ARHGAP27: variants seen among roughly 807,000 people sequenced by gnomAD.
The protein encoded by ARHGAP27 is Rho GTPase activating protein 27.
Under a neutral mutation model 102.0 loss-of-function variants are expected in ARHGAP27, and 53 were observed. That is an observed-to-expected ratio of 0.52 (90% CI 0.42 to 0.65). The LOEUF (loss-of-function observed/expected upper bound fraction) is 0.65, where lower values mean the gene tolerates loss of function less well. Ranked by LOEUF, ARHGAP27 falls within the 30% of genes least tolerant of loss-of-function variation. The pLI is 0.00. For missense variants in ARHGAP27, 1,117 were observed against 1,256.2 expected (o/e 0.89, Z 1.68); for synonymous variants, 525 against 542.8 (o/e 0.97, Z 0.46).
chr17:45,417,970 C>A (rs564076406), intron 4 of ARHGAP27, among the ~76,000 whole-genome samples: 1 of 143,060 alleles, frequency 7.0e-6, no homozygotes, highest in Non-Finnish European at 1.5e-5. Flanking sequence ...AGGAGAATGG[C>A]GTGAACTCGG....
In ARHGAP27 at chr17:45,395,649, G is replaced by C. The variant is rs913324597; in HGVS notation, c.2493-16C>G. On this transcript the variant is annotated splice_polypyrimidine_tract_variant and intron_variant, in intron 19 of 19. Transcript: ENST00000685559. Reference sequence around the variant, plus strand: ...CTCGATCACCCTGTGGCAGGGGTGGGTGGGTTCAGGGCTCCGAACTGCGAA... The same window carrying C: ...CTCGATCACCCTGTGGCAGGGGTGGCTGGGTTCAGGGCTCCGAACTGCGAA... The C allele has an allele frequency of 1.3e-6, 2 of 1,593,228 alleles. No individual in the cohort carries two copies. The highest frequency in any genetic ancestry group is 2.7e-5 in the African/African-American group (2 of 74,672).
intron 4 of ARHGAP27, among the ~76,000 whole-genome samples, chr17:45,426,194 T>G (rs1209901305): frequency 3.9e-5 from 6 of 152,120 alleles, no homozygotes; most frequent in Non-Finnish European, 8.8e-5. Context: ...CACAGCCACT[T>G]CCTGGCCGTG....
Position 45,395,247 on chromosome 17 carries a change from G to C in ARHGAP27, c.*209C>G. The C allele has an allele frequency of 1.6e-6, 1 of 621,066 alleles. No homozygotes were observed. Among genetic ancestry groups the C allele is most frequent in the Non-Finnish European group, 2.8e-6 (1 of 363,214 alleles). 38.5% of individuals were successfully genotyped at this position (621,066 alleles called of 1,614,324 possible). A position where few individuals can be genotyped will look rare whatever the true frequency, so the allele number is the denominator to read the frequency against. ...ACAGGACGTGACGGGAAGGGAAGGG[G>C]GGATGGGGAGTTGGGAAGAAGGAAT... On this transcript the variant is annotated 3_prime_UTR_variant, in exon 20 of 20. Coordinates refer to ENST00000685559, the MANE Select transcript of ARHGAP27 (RefSeq NM_001282290.2).
chr17:45,422,640 C>T (rs898172065), intron 4 of ARHGAP27, among the ~76,000 whole-genome samples: 13 of 152,062 alleles, frequency 8.5e-5, no homozygotes, highest in Middle Eastern at 3.2e-3. Flanking sequence ...AACGAAAGAA[C>T]GCTCGAAATC....
chr17:45,428,812 T>C (rs2049833550), intron 4 of ARHGAP27, among the ~76,000 whole-genome samples: 4 of 152,098 alleles, frequency 2.6e-5, no homozygotes, highest in South Asian at 2.1e-4. Context: ...CATCTTTTTT[T>C]CCCCTCGGGC....
chr17:45,404,610 C>A lies in ARHGAP27; in HGVS notation c.1320G>T (p.Glu440Asp). ...TTCCCCAGGTTGTTACCTGGGGCAG[C>A]TCCCATCGAACAGAGGAGTCCTCTG... ...YNPEDSSVRW[E>D]LPQVPVPAPR... Residue 440 changes from glutamate to aspartate, a missense_variant, in exon 7 of 20, where the codon GAG becomes GAT. This residue lies in a region of ARHGAP27 where 610 missense variants were observed against 716.4 expected (regional missense o/e 0.85). Coordinates refer to ENST00000685559, the MANE Select transcript of ARHGAP27 (RefSeq NM_001282290.2). The A allele has an allele frequency of 6.2e-7, 1 of 1,614,092 alleles. No individual in the cohort carries two copies. Among genetic ancestry groups the A allele is most frequent in the Non-Finnish European group, 8.5e-7 (1 of 1,179,962 alleles).
At chr17:45,414,350 C>T (rs187517973) in intron 4 of ARHGAP27, among the ~76,000 whole-genome samples, 2 of 152,258 alleles carry the variant, frequency 1.3e-5, no homozygotes, top group African/African-American at 2.4e-5. Flanking sequence ...CCCGCTTGCT[C>T]GGAAGTGGCC....
At position 45,427,840 on chromosome 17, in the gene ARHGAP27, C is replaced by T. The variant is rs2049766674; in HGVS notation, c.657+1783G>A. Among the ~76,000 whole-genome samples the T allele has an allele frequency of 6.6e-6, 1 of 152,168 alleles. No individual in the cohort carries two copies. The highest frequency in any genetic ancestry group is 6.5e-5 in the Admixed American group (1 of 15,284). On this transcript the variant is annotated intron_variant, in intron 4 of 19. Transcript: ENST00000685559. The surrounding 1 kb of genome is among the most constrained non-coding windows in gnomAD (Gnocchi z 4.5). ...GTGCCCCTCCCTCCATATGCCACTG[C>T]AACTGGGAACCTGCTGGGAGCTGGA...
chr17:45,397,860 C>T (rs907339954), intron 13 of ARHGAP27, 89 bp downstream of exon 13: 2 of 1,194,006 alleles, frequency 1.7e-6, no homozygotes, highest in Non-Finnish European at 2.3e-6. Flanking sequence ...CCCACTGGTA[C>T]CTTAGAGCTC....
At position 45,396,038 on chromosome 17, in the gene ARHGAP27, C is replaced by G. The variant is rs1426458605; in HGVS notation, c.2331G>C (p.Glu777Asp). The change falls in exon 18 of 20, where the codon GAG (glutamate) becomes GAC (aspartate). Residue 777 changes from glutamate (E) to aspartate (D), a missense_variant. Coordinates refer to ENST00000685559, the MANE Select transcript of ARHGAP27 (RefSeq NM_001282290.2). ...ITGALKLFFRELPEPLFPFSH... is the reference protein window; with the variant it reads ...ITGALKLFFRDLPEPLFPFSH... ...AGAAGGGGAAGAGGGGCTCGGGCAG[C>G]TCCCGAAAGAAGAGCTTCAGGGCTC... The G allele has an allele frequency of 6.2e-7, 1 of 1,613,772 alleles. No homozygotes were observed. The highest frequency in any genetic ancestry group is 1.3e-5 in the African/African-American group (1 of 74,934).
rs2049968605 is a variant in ARHGAP27 at position 45,430,350 on chromosome 17, T to C, written c.-18-53A>G. 6.6e-7 allele frequency: 1 copy of C among 1,506,664 alleles called. No individual in the cohort carries two copies. The highest frequency in any genetic ancestry group is 8.8e-7 in the Non-Finnish European group (1 of 1,136,592). 93.3% of individuals were successfully genotyped at this position (1,506,664 alleles called of 1,614,324 possible). On this transcript the variant is annotated intron_variant, in intron 3 of 19. Transcript: ENST00000685559. This position sits in a 1 kb window ranked among gnomAD's most constrained non-coding sequence, Gnocchi z 4.4. ...GAGGTCAAGACCACCGAGCCTGGAA[T>C]AGCCCCGCACTCGGGGACAGACTTG...
rs188239464 is a variant in ARHGAP27, at chr17:45,395,734, C to A, written c.2492+10G>T. 5.0e-6 allele frequency: 8 copies of A among 1,584,190 alleles called. No homozygotes were observed. Among genetic ancestry groups the A allele is most frequent in the Non-Finnish European group, 6.8e-6 (8 of 1,169,692 alleles). ...TGCCTCCCCCTTCCCGCGCGGGCCG[C>A]CCGGCTCACCGGCAGAGGTGCTGGA... On this transcript the variant is annotated intron_variant, in intron 19 of 19. Transcript: ENST00000685559.
At chr17:45,421,837 C>T (rs926773145) in intron 4 of ARHGAP27, among the ~76,000 whole-genome samples, 1 of 152,140 alleles carries the variant, frequency 6.6e-6, no homozygotes, top group Non-Finnish European at 1.5e-5. Context: ...ATTGAATTCT[C>T]CCACTAAAAG....
At chr17:45,415,062 CAA>C (rs546453138) in intron 4 of ARHGAP27, among the ~76,000 whole-genome samples, 37 of 61,306 alleles carry the variant, frequency 6.0e-4, no homozygotes, top group African/African-American at 1.4e-3. Flanking sequence ...GAGTCCATCT[CAA>C]AAAAAAAAAA....
intron 4 of ARHGAP27, among the ~76,000 whole-genome samples, chr17:45,426,517 G>T (rs1350534222): frequency 6.6e-6 from 1 of 152,076 alleles, no homozygotes; most frequent in African/African-American, 2.4e-5. Context: ...CTGTCTGGTA[G>T]CCTGCCCTAA....
At chr17:45,410,425 C>A (rs2047780700) in intron 4 of ARHGAP27, 2 of 1,369,714 alleles carry the variant, frequency 1.5e-6, no homozygotes, top group African/African-American at 3.0e-5. Context: ...AGACTCCAGC[C>A]CATTTCCTGT....
At chr17:45,419,553 T>TATATAC (rs2048837495) in intron 4 of ARHGAP27, among the ~76,000 whole-genome samples, 3 of 105,588 alleles carry the variant, frequency 2.8e-5, no homozygotes, top group Admixed American at 1.0e-4. Context: ...TATATATATA[T>TATATAC]ATATGACTTT....
At position 45,396,053 on chromosome 17, in the gene ARHGAP27, C is replaced by T. The variant is rs960575554; in HGVS notation, c.2316G>A (p.Lys772=). ...EDVHVITGAL[K]LFFRELPEPL... is the part of the protein sequence containing the mutation. Reference sequence around the variant, plus strand: ...GCTCGGGCAGCTCCCGAAAGAAGAGCTTCAGGGCTCCGGTGATAACGTGGA... The same window carrying T: ...GCTCGGGCAGCTCCCGAAAGAAGAGTTTCAGGGCTCCGGTGATAACGTGGA... Residue 772 remains lysine, a synonymous_variant, in exon 18 of 20, where the codon AAG becomes AAA. Transcript: ENST00000685559. 2 of 1,613,924 alleles carry T rather than the reference C, an allele frequency of 1.2e-6. No individual in the cohort carries two copies.
intron 12 of ARHGAP27, among the ~76,000 whole-genome samples, chr17:45,402,474 C>T (rs2046557701): frequency 6.6e-6 from 1 of 152,204 alleles, no homozygotes; most frequent in Non-Finnish European, 1.5e-5. Flanking sequence ...CTTCCCAGGT[C>T]CTCCTTCTTG....
Sources: gnomAD v4.1 joint callset for allele counts (sites outside exome capture counted in the v4.1 genomes callset) on GRCh38, gnomAD v4.1.1 for gene constraint, gnomAD v4.1.1 regional missense constraint, Gnocchi (gnomAD v3.1) non-coding constraint, MANE v1.5 for transcripts, NCBI Gene and HGNC (gene_info 2026-07-23, HGNC 2026-07-21) for gene names.